ZNF320: variants seen among roughly 807,000 people sequenced by gnomAD.
ZNF320 encodes zinc finger gene 320.
In ZNF320, 2 loss-of-function variants were observed where a neutral mutation model predicts 6.8. The observed-to-expected ratio is 0.29, with a 90% confidence interval of 0.12 to 0.93. The LOEUF (loss-of-function observed/expected upper bound fraction) is 0.93, where lower values mean the gene tolerates loss of function less well. ZNF320 is among the 40% of genes least tolerant of loss of function. The probability of loss-of-function intolerance (pLI) is 0.55; values close to 1 mark genes in which losing one functional copy is unlikely to be tolerated. For missense variants in ZNF320, 472 were observed against 611.0 expected (o/e 0.77, Z 2.40); for synonymous variants, 208 against 203.2 (o/e 1.02, Z -0.20).
At chr19:52,893,951 G>T (rs2064390632) in intron 1 of ZNF320, 95 bp from the exon 2 acceptor site, 1 of 152,086 alleles carries the variant, frequency 6.6e-6, no homozygotes, top group Non-Finnish European at 1.5e-5. Context: ...TAAAAGCAAT[G>T]CATGAAGAAC....
At chr19:52,893,308 A>G (rs2064368757) in intron 2 of ZNF320, 1 of 151,906 alleles carries the variant, frequency 6.6e-6, no homozygotes, top group East Asian at 1.9e-4. Flanking sequence ...TAATAATAAT[A>G]ACAATAATAA....
intron 5 of ZNF320, among the ~76,000 whole-genome samples, chr19:52,885,043 T>A (rs557984790): frequency 2.7e-5 from 4 of 148,710 alleles, no homozygotes; most frequent in Non-Finnish European, 6.0e-5. Context: ...TAAAAAAAAA[T>A]ACAAAAAAAT....
chr19:52,886,748 C>T (rs1195040033), intron 5 of ZNF320, among the ~76,000 whole-genome samples: 1 of 152,010 alleles, frequency 6.6e-6, no homozygotes, highest in South Asian at 2.1e-4. Flanking sequence ...CCAGCCTGAA[C>T]AACATGGTGA....
downstream of ZNF320, among the ~76,000 whole-genome samples, chr19:52,871,534 C>G (rs8110526): frequency 6.6e-6 from 1 of 151,904 alleles, no homozygotes. Context: ...AAAAAAATTC[C>G]AAAACCATCT....
upstream of ZNF320, among the ~76,000 whole-genome samples, chr19:52,901,987 A>C (rs1489205736): frequency 6.8e-6 from 1 of 147,152 alleles, no homozygotes; most frequent in African/African-American, 2.5e-5. Flanking sequence ...GCTGGGGCTG[A>C]CATGAGTTTT....
rs1028860951 is a variant in ZNF320 at position 52,879,696 on chromosome 19, A to ACCAAAATGTGT, written c.*899_*900insACACATTTTGG. 1 of 152,194 alleles carries ACCAAAATGTGT rather than the reference A, an allele frequency of 6.6e-6. No individual in the cohort carries two copies. The highest frequency in any genetic ancestry group is 2.4e-5 in the African/African-American group (1 of 41,450). The allele number at this position is 152,194 out of a possible 1,614,324, so 9.4% of individuals were successfully genotyped here. On this transcript the variant is annotated 3_prime_UTR_variant, in exon 6 of 6. Transcript: ENST00000682928. Reference sequence around the variant, plus strand: ...ATGATCTTCTGTGTAGAAAATCACAAAGAGTCAACCAAAATGCAACTGGAA... The same window carrying ACCAAAATGTGT: ...ATGATCTTCTGTGTAGAAAATCACAACCAAAATGTGTAGAGTCAACCAAAATGCAACTGGAA...
rs35688862 is a variant in ZNF320 at position 52,894,381 on chromosome 19, C to CA, written c.-269-526dup. Reference sequence around the variant, plus strand: ...CCTGGGTGACAGAGCAAGACTGTCTCAAAAAAAAAAAAAAAACCAAAAAAC... The same window carrying CA: ...CCTGGGTGACAGAGCAAGACTGTCTCAAAAAAAAAAAAAAAAACCAAAAAAC... On this transcript the variant is annotated intron_variant, in intron 1 of 5. Transcript: ENST00000682928. Among the ~76,000 whole-genome samples, 356 of 97,992 alleles carry CA rather than the reference C, an allele frequency of 3.6e-3. 1 individual carries two copies. Among genetic ancestry groups the CA allele is most frequent in the African/African-American group, 8.4e-3 (234 of 27,858 alleles). 64.3% of individuals were successfully genotyped at this position (97,992 alleles called of 152,430 possible).
At chr19:52,868,456 G>A (rs2063618598) in intron 5 of ZNF320, among the ~76,000 whole-genome samples, 1 of 151,538 alleles carries the variant, frequency 6.6e-6, no homozygotes, top group Middle Eastern at 3.2e-3. Flanking sequence ...TGGTGAGCTC[G>A]GATTGCGCCA....
chr19:52,894,168 T>G (rs536732356), intron 1 of ZNF320: 2 of 151,370 alleles, frequency 1.3e-5, no homozygotes, highest in Admixed American at 6.6e-5. Context: ...GGTGGATCAC[T>G]TGAGGTCGAG....
upstream of ZNF320, among the ~76,000 whole-genome samples, chr19:52,902,664 TA>T (rs2064575027): frequency 6.6e-6 from 1 of 152,238 alleles, no homozygotes; most frequent in African/African-American, 2.4e-5. Context: ...GTATGATTTT[TA>T]TACCAGATAA....
chr19:52,876,091 C>T (rs1297227077), downstream of ZNF320: 1 of 152,016 alleles, frequency 6.6e-6, no homozygotes, highest in Non-Finnish European at 1.5e-5. Flanking sequence ...ATATTATGGA[C>T]CAGAGGAACT....
At chr19:52,868,658 G>A (rs538029414) in intron 5 of ZNF320, among the ~76,000 whole-genome samples, 6 of 152,136 alleles carry the variant, frequency 3.9e-5, no homozygotes, top group African/African-American at 1.2e-4. Flanking sequence ...AGGATCCCAC[G>A]ACATGTTTCT....
intron 5 of ZNF320, among the ~76,000 whole-genome samples, chr19:52,865,018 T>C (rs2063518461): frequency 6.7e-6 from 1 of 150,178 alleles, no homozygotes; most frequent in African/African-American, 2.5e-5. Flanking sequence ...TTCTCAAAAA[T>C]AAAAAATAAA....
At chr19:52,865,695 A>AT (rs2063544462) in intron 5 of ZNF320, among the ~76,000 whole-genome samples, 4 of 130,178 alleles carry the variant, frequency 3.1e-5, no homozygotes, top group Admixed American at 8.3e-5. Context: ...TATATATTAT[A>AT]CATATATTTA....
downstream of ZNF320, among the ~76,000 whole-genome samples, chr19:52,872,932 A>C (rs1293447699): frequency 6.6e-6 from 1 of 152,162 alleles, no homozygotes; most frequent in Non-Finnish European, 1.5e-5. Flanking sequence ...AAATAAGTTT[A>C]AGGAAATGTG....
At chr19:52,859,657 C>G (rs952010862), downstream of ZNF320, among the ~76,000 whole-genome samples, 11 of 152,102 alleles carry the variant, frequency 7.2e-5, no homozygotes, top group African/African-American at 2.7e-4. Flanking sequence ...CCATTCAAGA[C>G]CAGTGCATAG....
In ZNF320 at chr19:52,877,508, G is replaced by C. The variant is rs1395098648; in HGVS notation, c.*3088C>G. ...GCAATCAGATAGACATTTGACTCAG[G>C]TGTGCAGAGGGATGGGCTCTTTCCC... On this transcript the variant is annotated 3_prime_UTR_variant, in exon 6 of 6. Transcript: ENST00000682928. 1.3e-5 allele frequency: 2 copies of C among 152,160 alleles called. No individual in the cohort carries two copies. Among genetic ancestry groups the C allele is most frequent in the African/African-American group, 2.4e-5 (1 of 41,434 alleles). The allele number at this position is 152,160 out of a possible 1,614,324, so 9.4% of individuals were successfully genotyped here. A position where few individuals can be genotyped will look rare whatever the true frequency, so the allele number is the denominator to read the frequency against.
At chr19:52,862,572 A>C in exon 6 of ZNF320, 1 of 394,710 alleles carries the variant, frequency 2.5e-6, no homozygotes, top group South Asian at 2.2e-5. Context: ...ACTTTGTGGC[A>C]GTCATTACAT....
At position 52,865,740 on chromosome 19, in the gene ZNF320, T is replaced by C. The variant is rs1337707313; in HGVS notation, c.224-1581A>G. 8.0e-5 allele frequency among the ~76,000 whole-genome samples: 9 copies of C among 112,418 alleles called. No individual in the cohort carries two copies. In the South Asian group the frequency reaches 1.6e-3, roughly 20 times the overall value. 73.8% of individuals were successfully genotyped at this position (112,418 alleles called of 152,430 possible). On this transcript the variant is annotated intron_variant, in intron 5 of 5. Transcript: ENST00000673631. Reference sequence around the variant, plus strand: ...ATACACATATTTATATATATGATTATACACATATATTTATATATATGATTA... The same window carrying C: ...ATACACATATTTATATATATGATTACACACATATATTTATATATATGATTA...
Sources: gnomAD v4.1 joint callset for allele counts (sites outside exome capture counted in the v4.1 genomes callset) on GRCh38, gnomAD v4.1.1 for gene constraint, MANE v1.5 for transcripts, NCBI Gene and HGNC (gene_info 2026-07-23, HGNC 2026-07-21) for gene names.